Variants in KSR2 observed in about 807,000 individuals in gnomAD.
KSR2 encodes kinase suppressor of ras 2.
In KSR2, 25 loss-of-function variants were observed where a neutral mutation model predicts 107.8. That is an observed-to-expected ratio of 0.23 (90% CI 0.17 to 0.32). The LOEUF is 0.32. Among genes scored for constraint, KSR2 ranks in the 10% least tolerant of loss-of-function variants. The pLI is 1.00. For missense variants in KSR2, 887 were observed against 1,268.9 expected, an observed-to-expected ratio of 0.70 and a Z score of 4.57; for synonymous variants, 480 against 507.0, an observed-to-expected ratio of 0.95 and a Z score of 0.71.
intron 5 of KSR2, among the ~76,000 whole-genome samples, chr12:117,639,791 C>A (rs541726282): frequency 6.6e-6 from 1 of 151,978 alleles, no homozygotes; most frequent in South Asian, 2.1e-4. Context: ...TCCGTCAATA[C>A]CAGGAAGATC....
chr12:117,517,266 G>C (rs1439651706), intron 14 of KSR2, among the ~76,000 whole-genome samples: 4 of 152,202 alleles, frequency 2.6e-5, no homozygotes, highest in Non-Finnish European at 5.9e-5. Flanking sequence ...CCATTACCCT[G>C]ACCAATACAA....
intron 1 of KSR2, among the ~76,000 whole-genome samples, chr12:117,878,886 G>T (rs141881694): frequency 6.6e-6 from 1 of 152,204 alleles, no homozygotes; most frequent in Non-Finnish European, 1.5e-5. Flanking sequence ...TTACGGTCAC[G>T]CTGGAATTAA....
chr12:117,817,204 G>A (rs12582576), intron 3 of KSR2, among the ~76,000 whole-genome samples: 15,019 of 152,194 alleles, frequency 0.099, 1,052 homozygotes, highest in East Asian at 0.26. Flanking sequence ...TTTCCGTGAA[G>A]GTCTGTCTTC....
chr12:117,731,431 G>C (rs901698344), intron 4 of KSR2, among the ~76,000 whole-genome samples: 1 of 133,000 alleles, frequency 7.5e-6, no homozygotes, highest in Non-Finnish European at 1.6e-5. Context: ...GGCAGCCCCC[G>C]CCCAGCCACC....
At chr12:117,894,744 TC>T (rs998703412) in intron 1 of KSR2, among the ~76,000 whole-genome samples, 3 of 52,272 alleles carry the variant, frequency 5.7e-5, no homozygotes, top group African/African-American at 1.6e-4. Flanking sequence ...CCTCTCCCCC[TC>T]CCCCTCTCCC....
intron 9 of KSR2, among the ~76,000 whole-genome samples, chr12:117,551,549 T>C (rs527343037): frequency 4.4e-4 from 67 of 151,602 alleles, no homozygotes; most frequent in African/African-American, 1.6e-3. Flanking sequence ...AGCTCAGACT[T>C]CCTGTTTCCA....
At chr12:117,666,707 G>C (rs1016885465) in intron 5 of KSR2, among the ~76,000 whole-genome samples, 1 of 152,172 alleles carries the variant, frequency 6.6e-6, no homozygotes, top group African/African-American at 2.4e-5. Flanking sequence ...AAGGGCCAGG[G>C]GTTATTTCTT....
intron 3 of KSR2, among the ~76,000 whole-genome samples, chr12:117,826,024 G>GGGAT (rs1242095835): frequency 6.0e-5 from 9 of 149,910 alleles, no homozygotes; most frequent in Non-Finnish European, 1.3e-4. Flanking sequence ...GATGCATGGA[G>GGGAT]GGATGGATGG....
intron 4 of KSR2, among the ~76,000 whole-genome samples, chr12:117,670,569 T>C (rs1407679943): frequency 1.3e-5 from 2 of 152,188 alleles, no homozygotes; most frequent in African/African-American, 2.4e-5. Context: ...ATTTGGGACA[T>C]GCTCAGGTCA....
At chr12:117,639,670 T>C (rs1883273527) in intron 5 of KSR2, among the ~76,000 whole-genome samples, 4 of 131,724 alleles carry the variant, frequency 3.0e-5, no homozygotes, top group African/African-American at 1.2e-4. Flanking sequence ...ATTATTTTAA[T>C]ATTTTACTGA....
intron 1 of KSR2, among the ~76,000 whole-genome samples, chr12:117,930,776 T>G (rs1049489678): frequency 2.6e-5 from 4 of 151,922 alleles, no homozygotes; most frequent in African/African-American, 9.7e-5. Flanking sequence ...TAGCCAGACG[T>G]GGTGGCACGT....
intron 4 of KSR2, among the ~76,000 whole-genome samples, chr12:117,745,649 T>A (rs1329919669): frequency 6.6e-6 from 1 of 152,188 alleles, no homozygotes; most frequent in East Asian, 1.9e-4. Context: ...TTGTCTCTGT[T>A]TGCAGATGAC....
At chr12:117,592,966 C>A (rs1476673828) in intron 5 of KSR2, among the ~76,000 whole-genome samples, 1 of 152,162 alleles carries the variant, frequency 6.6e-6, no homozygotes, top group Non-Finnish European at 1.5e-5. Context: ...CTTCCCTTTC[C>A]TGGCCCCACC....
Position 117,855,606 on chromosome 12 carries a change from C to T in KSR2, c.322-28G>A, listed in dbSNP as rs757358167. 1.7e-5 allele frequency: 28 copies of T among 1,612,536 alleles called. 1 individual carries two copies. The highest frequency in any genetic ancestry group is 1.6e-4 in the Middle Eastern group (1 of 6,084). ...AGAGGAGGGGAGAAGGATTGTCAAC[C>T]GTGGGGCAGGAACAGCATCTCTGCC... is the stretch of plus-strand genomic sequence containing the variant. On this transcript the variant is annotated intron_variant, in intron 2 of 19. Coordinates refer to ENST00000339824, the MANE Select transcript of KSR2 (RefSeq NM_173598.6).
In KSR2 at chr12:117,465,299, C is replaced by A. The variant is rs747489125; in HGVS notation, c.*1900G>T. ...TCAGGCAAACATATATAAAATGCCTCCAAGACACACACACGTCGTCAAGCC... is the reference window on the plus strand; with the variant it reads ...TCAGGCAAACATATATAAAATGCCTACAAGACACACACACGTCGTCAAGCC... On this transcript the variant is annotated 3_prime_UTR_variant, in exon 20 of 20. Transcript: ENST00000339824. 1 of 152,208 alleles carries A rather than the reference C, an allele frequency of 6.6e-6. No homozygotes were observed. Among genetic ancestry groups the A allele is most frequent in the Non-Finnish European group, 1.5e-5 (1 of 68,082 alleles). The allele number at this position is 152,208 out of a possible 1,614,324, so 9.4% of individuals were successfully genotyped here.
intron 3 of KSR2, among the ~76,000 whole-genome samples, chr12:117,841,569 T>G (rs1479736762): frequency 6.6e-6 from 1 of 152,216 alleles, no homozygotes; most frequent in Non-Finnish European, 1.5e-5. Flanking sequence ...AATAATTTCT[T>G]TTTATCTCAG....
chr12:117,860,164 T>G, intron 2 of KSR2, 127 bp downstream of exon 2: 1 of 933,420 alleles, frequency 1.1e-6, no homozygotes, highest in Non-Finnish European at 1.6e-6. Context: ...CCAGCACATA[T>G]TTATTGAGAG....
At chr12:117,734,778 A>ATGGATGGATGGATGG (rs1555233152) in intron 4 of KSR2, among the ~76,000 whole-genome samples, 2 of 151,922 alleles carry the variant, frequency 1.3e-5, no homozygotes, top group African/African-American at 2.4e-5. Context: ...GGATGGATGG[A>ATGGATGGATGGATGG]AACTAACCAT....
At chr12:117,864,649 C>A (rs906210107) in intron 1 of KSR2, among the ~76,000 whole-genome samples, 1 of 152,198 alleles carries the variant, frequency 6.6e-6, no homozygotes, top group Non-Finnish European at 1.5e-5. Flanking sequence ...CATGCTCCCC[C>A]TGAAGGCACT....
Sources: allele counts gnomAD v4.1 joint callset (sites outside exome capture counted in the v4.1 genomes callset), GRCh38; gene constraint gnomAD v4.1.1; transcripts MANE v1.5; gene names NCBI Gene and HGNC (gene_info 2026-07-23, HGNC 2026-07-21).